Variants in RNF144A observed in about 807,000 individuals in gnomAD.
RNF144A encodes E3 ubiquitin-protein ligase RNF144A.
RNF144A carries 11 observed loss-of-function variants against 38.7 expected under a neutral mutation model. The observed-to-expected ratio is 0.28, with a 90% CI of 0.18 to 0.47. The LOEUF is 0.47. RNF144A is among the 20% of genes least tolerant of loss of function. The pLI, the probability that RNF144A is intolerant of heterozygous loss-of-function variation, is 0.99. For synonymous variants in RNF144A, 149 were observed against 143.9 expected, an observed-to-expected ratio of 1.04 and a Z score of -0.25; for missense variants, 316 against 377.2, an observed-to-expected ratio of 0.84 and a Z score of 1.34.
rs1016534735 is a variant in RNF144A at position 6,944,970 on chromosome 2, A to C, written c.-12+3823A>C. Among the ~76,000 whole-genome samples, 5 of 152,232 alleles carry C rather than the reference A, an allele frequency of 3.3e-5. No homozygotes were observed. The highest frequency in any genetic ancestry group is 5.9e-5 in the Non-Finnish European group (4 of 68,030). ...GCCTCAATCCAGCCTTCAATGATTG[A>C]AGTAGCTAATTTTGAAATACAGGTT... On this transcript the variant is annotated intron_variant, in intron 2 of 8. Transcript: ENST00000320892. The surrounding 1 kb of genome is among the most constrained non-coding windows in gnomAD (Gnocchi z 4.7).
intron 6 of RNF144A, among the ~76,000 whole-genome samples, chr2:7,061,481 G>GT (rs747894915): frequency 1.5e-3 from 234 of 152,014 alleles, no homozygotes; most frequent in Non-Finnish European, 1.5e-3. Context: ...GGGTGATGAT[G>GT]TTTTTTTTAA....
chr2:7,036,451 C>A (rs1456085007), intron 8 of RNF144A, among the ~76,000 whole-genome samples: 1 of 152,168 alleles, frequency 6.6e-6, no homozygotes, highest in Non-Finnish European at 1.5e-5. Flanking sequence ...AGCCGAAGGA[C>A]CAGGTGTTCC....
intron 1 of RNF144A, among the ~76,000 whole-genome samples, chr2:6,939,276 C>T (rs1400646381): frequency 1.3e-5 from 2 of 152,196 alleles, no homozygotes; most frequent in African/African-American, 4.8e-5. Context: ...TCTAGCCATC[C>T]TAGTGGGTGT....
In RNF144A at chr2:6,961,090, G is replaced by T. The variant is rs997194295; in HGVS notation, c.-12+19943G>T. On this transcript the variant is annotated intron_variant, in intron 2 of 8. Transcript: ENST00000320892. ...TGTACTTACATGGTTTTTTTTTTCT[G>T]TATGGCTTTTAGTGTAATTTCTCTT... Among the ~76,000 whole-genome samples the T allele has an allele frequency of 2.0e-4, 31 of 151,426 alleles. 1 individual carries two copies. The East Asian group carries it at 3.3e-3, about 16-fold the overall frequency.
chr2:7,008,707 AG>A (rs777744372), intron 3 of RNF144A, among the ~76,000 whole-genome samples: 11 of 152,218 alleles, frequency 7.2e-5, no homozygotes, highest in Non-Finnish European at 1.5e-4. Context: ...CAACACTGGA[AG>A]GGGCGGTCTC....
intron 2 of RNF144A, among the ~76,000 whole-genome samples, chr2:6,993,743 T>C (rs1669546698): frequency 6.6e-6 from 1 of 152,112 alleles, no homozygotes; most frequent in African/African-American, 2.4e-5. Context: ...CTCCATTGGA[T>C]TGAACTTCCG....
intron 6 of RNF144A, among the ~76,000 whole-genome samples, chr2:7,062,236 G>A (rs1347213974): frequency 3.9e-5 from 6 of 152,142 alleles, no homozygotes; most frequent in East Asian, 1.9e-4. Context: ...GCAGAGGTAC[G>A]AGAAAGAGCA....
At chr2:6,995,117 G>A (rs6738808) in intron 2 of RNF144A, among the ~76,000 whole-genome samples, 12,519 of 152,158 alleles carry the variant, frequency 0.082, 590 homozygotes, top group African/African-American at 0.13. Flanking sequence ...CCTTCCATGT[G>A]GAATTCACCA....
chr2:7,061,201 G>A (rs1673939544), intron 6 of RNF144A, among the ~76,000 whole-genome samples: 1 of 152,092 alleles, frequency 6.6e-6, no homozygotes, highest in Admixed American at 6.5e-5. Context: ...CGACGTCCAG[G>A]CAAAAGAGGA....
At chr2:7,034,379 C>T (rs753495622) in intron 8 of RNF144A, among the ~76,000 whole-genome samples, 1 of 152,194 alleles carries the variant, frequency 6.6e-6, no homozygotes, top group African/African-American at 2.4e-5. Context: ...AGCGTGCAGC[C>T]GTTTGAGTGG....
chr2:6,996,948 C>T lies in RNF144A; in HGVS notation c.22C>T (p.Pro8Ser). The change falls in exon 3 of 9, where the codon CCC becomes TCC. Residue 8 changes from proline (P) to serine (S), a missense_variant. Pro to Ser is a moderately conservative substitution (Grantham distance 74). Transcript: ENST00000320892. ...TGCGATGACCACAACAAGGTACCGG[C>T]CCACCTGGGACCTGGCCCTCGACCC... MTTTRYR[P>S]TWDLALDPLV... The T allele has an allele frequency of 6.2e-7, 1 of 1,613,802 alleles. No homozygotes were observed. Among genetic ancestry groups the T allele is most frequent in the Non-Finnish European group, 8.5e-7 (1 of 1,179,834 alleles).
At chr2:6,954,644 A>C (rs1480407491) in intron 2 of RNF144A, among the ~76,000 whole-genome samples, 1 of 152,254 alleles carries the variant, frequency 6.6e-6, no homozygotes, top group African/African-American at 2.4e-5. Flanking sequence ...GCATCAAAGA[A>C]GATGGGAACT....
intron 8 of RNF144A, among the ~76,000 whole-genome samples, chr2:7,035,051 C>A (rs746935288): frequency 1.3e-5 from 2 of 152,204 alleles, no homozygotes; most frequent in South Asian, 2.1e-4. Context: ...CCACATTTGG[C>A]CTCCCTTGTC....
intron 2 of RNF144A, among the ~76,000 whole-genome samples, chr2:6,984,428 G>A (rs1668827446): frequency 6.6e-6 from 1 of 151,800 alleles, no homozygotes; most frequent in African/African-American, 2.4e-5. Context: ...TCAGCCTCCC[G>A]AGTAGCTGGG....
intron 2 of RNF144A, among the ~76,000 whole-genome samples, chr2:6,965,685 C>G (rs1015729953): frequency 4.0e-5 from 6 of 151,856 alleles, no homozygotes; most frequent in Non-Finnish European, 7.4e-5. Flanking sequence ...ACGCTGTTTC[C>G]CCATCCTTTC....
intron 3 of RNF144A, among the ~76,000 whole-genome samples, chr2:7,004,652 C>A (rs1670324857): frequency 6.6e-6 from 1 of 152,204 alleles, no homozygotes; most frequent in Non-Finnish European, 1.5e-5. Context: ...TTGCCTTTTT[C>A]TGCCTTTTTC....
At chr2:7,069,008 C>G (rs762163246), downstream of RNF144A, among the ~76,000 whole-genome samples, 15 of 152,218 alleles carry the variant, frequency 9.9e-5, no homozygotes, top group Non-Finnish European at 2.1e-4. Context: ...GTCTGTGTTT[C>G]ACAGCTGAGG....
chr2:7,069,240 C>T (rs559936004), downstream of RNF144A, among the ~76,000 whole-genome samples: 1 of 152,320 alleles, frequency 6.6e-6, no homozygotes, highest in African/African-American at 2.4e-5. Context: ...TCCTGCATGA[C>T]CAGGAGGACC....
Position 7,004,452 on chromosome 2 carries a change from G to T in RNF144A, c.135+7391G>T, listed in dbSNP as rs191360936. Among the ~76,000 whole-genome samples the T allele has an allele frequency of 4.6e-4, 70 of 152,228 alleles. No individual in the cohort carries two copies. In the East Asian group the frequency reaches 0.013, roughly 28 times the overall value. ...GATCTAGTAACTGGCTTAGAGTCTG[G>T]CCCGACTCTAGGATCCAGTCCACCA... On this transcript the variant is annotated intron_variant, in intron 3 of 8. Coordinates refer to ENST00000320892, the MANE Select transcript of RNF144A (RefSeq NM_014746.6).
Sources: gnomAD v4.1 joint callset for allele counts (sites outside exome capture counted in the v4.1 genomes callset) on GRCh38, gnomAD v4.1.1 for gene constraint, Gnocchi (gnomAD v3.1) non-coding constraint, MANE v1.5 for transcripts, NCBI Gene and HGNC (gene_info 2026-07-23, HGNC 2026-07-21) for gene names.